The following UBE4B variants were observed in gnomAD, a reference collection of about 807,000 sequenced individuals.
UBE4B encodes the protein ubiquitin conjugation factor E4 B.
A neutral mutation model predicts 148.1 loss-of-function variants in UBE4B; 27 were observed. The observed-to-expected ratio is 0.18, with a 90% CI of 0.13 to 0.25. The LOEUF (loss-of-function observed/expected upper bound fraction) is 0.25. UBE4B is among the 10% of genes least tolerant of loss of function. The pLI, the probability that UBE4B is intolerant of heterozygous loss-of-function variation, is 1.00. For synonymous variants in UBE4B, 596 were observed against 619.3 expected (o/e 0.96, Z 0.56); for missense variants, 1,170 against 1,662.4 (o/e 0.70, Z 5.15).
Position 10,161,541 on chromosome 1 carries a change from CT to C in UBE4B, c.3198+261del, listed in dbSNP as rs1331295383. ...TCTCTGCCTTTTTAATTTTAAAGGG[CT>C]TTTTTGGAGATGAGCTTTTATTGTC... is the stretch of plus-strand genomic sequence containing the variant. On this transcript the variant is annotated intron_variant, in intron 23 of 27. Coordinates refer to ENST00000343090, the MANE Select transcript of UBE4B (RefSeq NM_001105562.3). This position sits in a 1 kb window ranked among gnomAD's most constrained non-coding sequence, Gnocchi z 4.1. 1.3e-5 allele frequency among the ~76,000 whole-genome samples: 2 copies of C among 152,098 alleles called. No homozygotes were observed. Among genetic ancestry groups the C allele is most frequent in the East Asian group, 3.9e-4 (2 of 5,184 alleles).
chr1:10,153,490 T>TAAAAAAAAAAAAAAAAAAA (rs1045427991), intron 21 of UBE4B, among the ~76,000 whole-genome samples: 1 of 49,200 alleles, frequency 2.0e-5, no homozygotes, highest in African/African-American at 8.6e-5. Context: ...ACCCTGTTTC[T>TAAAAAAAAAAAAAAAAAAA]AAAAAAAAAA....
intron 23 of UBE4B, among the ~76,000 whole-genome samples, chr1:10,162,845 G>T (rs1646187778): frequency 6.6e-6 from 1 of 151,910 alleles, no homozygotes; most frequent in East Asian, 1.9e-4. Flanking sequence ...GTGTACCAAT[G>T]TTTAGCTCCC....
At chr1:10,048,974 C>T (rs899211098) in intron 1 of UBE4B, among the ~76,000 whole-genome samples, 1 of 152,114 alleles carries the variant, frequency 6.6e-6, no homozygotes, top group East Asian at 1.9e-4. Context: ...TCTCTCTTTC[C>T]CCAAGGGAGG....
intron 10 of UBE4B, among the ~76,000 whole-genome samples, chr1:10,122,335 T>C (rs1570932131): frequency 6.6e-6 from 1 of 152,144 alleles, no homozygotes; most frequent in East Asian, 1.9e-4. Flanking sequence ...GAAAAAAATA[T>C]GTAAGGCCCC....
intron 2 of UBE4B, among the ~76,000 whole-genome samples, chr1:10,083,044 T>A (rs969361219): frequency 2.0e-5 from 3 of 152,186 alleles, no homozygotes; most frequent in East Asian, 1.9e-4. Context: ...ACACTTTTTT[T>A]AATCTATCAT....
At position 10,095,608 on chromosome 1, in the gene UBE4B, C is replaced by G. The variant is rs753730258; in HGVS notation, c.347+12C>G. 1.3e-5 allele frequency: 21 copies of G among 1,613,658 alleles called. No individual in the cohort carries two copies. The highest frequency in any genetic ancestry group is 1.8e-5 in the Non-Finnish European group (21 of 1,179,906). ...TCATGTGAGAAAAGGTAAAATGAAG[C>G]CAGTTTTCTAATATGCTCTTTTATT... On this transcript the variant is annotated intron_variant, in intron 3 of 27. Transcript: ENST00000343090.
Position 10,137,137 on chromosome 1 carries a change from C to T in UBE4B, c.2295C>T (p.His765=), listed in dbSNP as rs1645700207. The change falls in exon 17 of 28, where the codon CAC becomes CAT. Residue 765 remains histidine (H), a synonymous_variant. Coordinates refer to ENST00000343090, the MANE Select transcript of UBE4B (RefSeq NM_001105562.3). ...GCTTCTTTCTCACCCTGCATGCTCACCACCTCTCTATTCTGCCTAGTTGCC... is the reference window on the plus strand; with the variant it reads ...GCTTCTTTCTCACCCTGCATGCTCATCACCTCTCTATTCTGCCTAGTTGCC... ...TECFFLTLHA[H]HLSILPSCRR... The T allele has an allele frequency of 1.2e-6, 2 of 1,614,192 alleles. No individual in the cohort carries two copies. The highest frequency in any genetic ancestry group is 1.7e-6 in the Non-Finnish European group (2 of 1,180,036).
At chr1:10,175,436 G>A (rs1036227331) in intron 25 of UBE4B, among the ~76,000 whole-genome samples, 2 of 151,826 alleles carry the variant, frequency 1.3e-5, no homozygotes, top group African/African-American at 2.4e-5. Flanking sequence ...CGGATCACAA[G>A]GTCAGGAGAT....
chr1:10,040,351 C>T (rs969292212), intron 1 of UBE4B, among the ~76,000 whole-genome samples: 14 of 152,002 alleles, frequency 9.2e-5, no homozygotes, highest in Admixed American at 2.0e-4. Flanking sequence ...CTTGGTGATC[C>T]GCCTGCCATG....
At chr1:10,051,573 A>G (rs1644045646) in intron 1 of UBE4B, among the ~76,000 whole-genome samples, 1 of 152,160 alleles carries the variant, frequency 6.6e-6, no homozygotes, top group Non-Finnish European at 1.5e-5. Context: ...CTTCTCACCC[A>G]GGGGCCATCT....
intron 17 of UBE4B, 109 bp from the exon 18 acceptor site, chr1:10,144,831 C>G: frequency 1.5e-6 from 1 of 651,632 alleles, no homozygotes. Flanking sequence ...AAAGATGTTA[C>G]AATGCGAAAA....
intron 25 of UBE4B, 50 bp downstream of exon 25, chr1:10,171,379 A>C (rs777101806): frequency 6.3e-7 from 1 of 1,587,370 alleles, no homozygotes; most frequent in Non-Finnish European, 8.6e-7. Context: ...AGATTTGGAG[A>C]TAATAACCAC....
intron 24 of UBE4B, among the ~76,000 whole-genome samples, chr1:10,169,428 C>A (rs576234855): frequency 1.3e-5 from 2 of 152,318 alleles, no homozygotes; most frequent in Admixed American, 6.5e-5. Context: ...CAACTCTTTT[C>A]CACTCTTTTA....
chr1:10,111,211 ACTACACACACACACACCACGCG>A (rs1481249601), intron 7 of UBE4B, among the ~76,000 whole-genome samples: 2 of 149,396 alleles, frequency 1.3e-5, no homozygotes, highest in African/African-American at 4.9e-5. Context: ...CACTCCACAT[ACTACACACACACACACCACGCG>A]CTACACACAC....
chr1:10,162,607 C>CT (rs61393825), intron 23 of UBE4B, among the ~76,000 whole-genome samples: 18,720 of 134,984 alleles, frequency 0.14, 2,185 homozygotes, highest in African/African-American at 0.31. Flanking sequence ...CGCGCCCAGA[C>CT]TTTTTTTTTT....
chr1:10,050,152 A>C (rs934656605), intron 1 of UBE4B, among the ~76,000 whole-genome samples: 1 of 151,814 alleles, frequency 6.6e-6, no homozygotes, highest in South Asian at 2.1e-4. Flanking sequence ...GCTCACTGCA[A>C]CCTCCACTTC....
In UBE4B at chr1:10,112,601, C is replaced by T. The variant is rs1645239875; in HGVS notation, c.1197-4858C>T. Among the ~76,000 whole-genome samples, 3 of 152,202 alleles carry T rather than the reference C, an allele frequency of 2.0e-5. No individual in the cohort carries two copies. In the South Asian group the frequency reaches 6.2e-4, roughly 32 times the overall value. On this transcript the variant is annotated intron_variant, in intron 7 of 27. Transcript: ENST00000343090. ...TTTTAGTAGAGACAGGATTTTATCA[C>T]ATTGGCCAGGCTGGTCTTGCACGCC...
At chr1:10,057,732 A>AG (rs1246555731) in intron 1 of UBE4B, among the ~76,000 whole-genome samples, 5 of 148,526 alleles carry the variant, frequency 3.4e-5, no homozygotes. Context: ...CCTGTCTCAC[A>AG]GAAAAAAAAA....
chr1:10,095,391 C>T, intron 2 of UBE4B, 70 bp from the exon 3 acceptor site: 1 of 1,582,370 alleles, frequency 6.3e-7, no homozygotes, highest in South Asian at 1.1e-5. Flanking sequence ...TGCGTGTTTA[C>T]TGTCGCTATT....
Sources: allele counts gnomAD v4.1 joint callset (sites outside exome capture counted in the v4.1 genomes callset), GRCh38; gene constraint gnomAD v4.1.1; non-coding constraint Gnocchi (gnomAD v3.1); transcripts MANE v1.5; gene names NCBI Gene and HGNC (gene_info 2026-07-23, HGNC 2026-07-21).